The following LSM4 variants were observed in gnomAD, a reference collection of about 807,000 sequenced individuals.
LSM4 encodes the protein U6 snRNA-associated Sm-like protein LSm4.
A neutral mutation model predicts 22.3 loss-of-function variants in LSM4; 15 were observed. That is an observed-to-expected ratio of 0.67 (90% CI 0.45 to 1.03). LSM4 has a LOEUF of 1.03. LSM4 is among the 50% of genes least tolerant of loss of function. The pLI, the probability that LSM4 is intolerant of heterozygous loss-of-function variation, is 0.00. For missense variants in LSM4, 127 were observed against 198.0 expected (o/e 0.64, Z 2.15); for synonymous variants, 90 against 79.8 (o/e 1.13, Z -0.68).
At chr19:18,314,366 A>AG (rs1970330241) in intron 2 of LSM4, among the ~76,000 whole-genome samples, 1 of 151,764 alleles carries the variant, frequency 6.6e-6, no homozygotes, top group East Asian at 2.0e-4. Context: ...TAAAAAAAAA[A>AG]TACAAAAAAA....
chr19:18,312,726 T>A (rs765252555), intron 2 of LSM4, 24 bp from the exon 3 acceptor site: 5 of 1,579,582 alleles, frequency 3.2e-6, no homozygotes, highest in Non-Finnish European at 4.4e-6. Context: ...AGGCTAGAGG[T>A]TGGCTGTAGC....
chr19:18,309,033 C>T (rs1430088668), intron 4 of LSM4, among the ~76,000 whole-genome samples: 1 of 152,130 alleles, frequency 6.6e-6, no homozygotes, highest in East Asian at 1.9e-4. Context: ...CCTGAGATCC[C>T]CAAAGCTCCC....
At chr19:18,313,996 A>C (rs1301651041) in intron 2 of LSM4, among the ~76,000 whole-genome samples, 1 of 151,822 alleles carries the variant, frequency 6.6e-6, no homozygotes, top group Admixed American at 6.6e-5. Flanking sequence ...ATTTTTTAGT[A>C]GAGACGGGGA....
chr19:18,307,450 G>A lies in LSM4; in HGVS notation c.*14C>T. On this transcript the variant is annotated 3_prime_UTR_variant, in exon 5 of 5. Coordinates refer to ENST00000593829, the MANE Select transcript of LSM4 (RefSeq NM_012321.5). ...CTGGCAGGAGGGGGCGCAGCAGCCG[G>A]TCTGGGTGGGCGCTCACTGTTTGCC... The A allele has an allele frequency of 6.6e-7, 1 of 1,517,082 alleles. No individual in the cohort carries two copies. The highest frequency in any genetic ancestry group is 2.6e-5 in the East Asian group (1 of 38,844). 94.0% of individuals were successfully genotyped at this position (1,517,082 alleles called of 1,614,324 possible).
At position 18,307,477 on chromosome 19, in the gene LSM4, G is replaced by A. The variant is rs751617906; in HGVS notation, c.407C>T (p.Ala136Val). ...CTGGGTGGGCGCTCACTGTTTGCCC[G>A]CCTGTCTGCCAGGCTTCTTCTCTGG... ...GQPEKKPGRQ[A>V]GKQ Residue 136 changes from alanine (A) to valine (V), a missense_variant, in exon 5 of 5, where the codon GCG (alanine) becomes GTG (valine). By Grantham distance (64) the Ala-to-Val change is moderately conservative (BLOSUM62 0). Transcript: ENST00000593829. 18 of 1,547,442 alleles carry A rather than the reference G, an allele frequency of 1.2e-5. No homozygotes were observed. Among genetic ancestry groups the A allele is most frequent in the African/African-American group, 1.1e-4 (8 of 72,756 alleles).
chr19:18,316,068 GA>G lies in LSM4; in HGVS notation c.4-4del. The G allele has an allele frequency of 6.2e-7, 1 of 1,613,590 alleles. No individual in the cohort carries two copies. Among genetic ancestry groups the G allele is most frequent in the Non-Finnish European group, 8.5e-7 (1 of 1,179,698 alleles). ...GTCTTCAGCAGTGACAAGGGAAGCT[GA>G]AAGGCAAATAAAGCCACATGATTTG... On this transcript the variant is annotated splice_polypyrimidine_tract_variant and splice_region_variant and intron_variant, in intron 1 of 4. Coordinates refer to ENST00000593829, the MANE Select transcript of LSM4 (RefSeq NM_012321.5).
chr19:18,314,937 T>G (rs978801740), intron 2 of LSM4, among the ~76,000 whole-genome samples: 1 of 151,814 alleles, frequency 6.6e-6, no homozygotes, highest in African/African-American at 2.4e-5. Flanking sequence ...CAGGCTGGAG[T>G]GCAGTGGCGC....
At chr19:18,309,611 G>T (rs1970274906) in intron 4 of LSM4, 67 bp downstream of exon 4, 1 of 1,486,628 alleles carries the variant, frequency 6.7e-7, no homozygotes, top group African/African-American at 1.4e-5. Flanking sequence ...GCAACCCCAA[G>T]AAGGAGGGAT....
intron 3 of LSM4, among the ~76,000 whole-genome samples, chr19:18,310,808 G>A (rs750036593): frequency 9.2e-5 from 14 of 152,200 alleles, no homozygotes; most frequent in Non-Finnish European, 1.6e-4. Flanking sequence ...TCTAGGGCCC[G>A]AGATCCTGCC....
In LSM4 at chr19:18,307,298, G is replaced by T. The variant is rs530547130; in HGVS notation, c.*166C>A. On this transcript the variant is annotated 3_prime_UTR_variant, in exon 5 of 5. Coordinates refer to ENST00000593829, the MANE Select transcript of LSM4 (RefSeq NM_012321.5). ...TAACATTTCTAACCGGAGAATTGCC[G>T]GTTTTAGCAAGAAAAAGGGGCTTCA... The T allele has an allele frequency of 8.3e-6, 4 of 484,832 alleles. No homozygotes were observed. The highest frequency in any genetic ancestry group is 6.0e-5 in the African/African-American group (3 of 49,944). The allele number at this position is 484,832 out of a possible 1,614,324, so 30.0% of individuals were successfully genotyped here.
intron 2 of LSM4, among the ~76,000 whole-genome samples, chr19:18,313,085 G>T (rs929800658): frequency 1.3e-5 from 2 of 152,172 alleles, no homozygotes; most frequent in Non-Finnish European, 2.9e-5. Context: ...TGGGCATGGT[G>T]GTGCATGCCT....
intron 1 of LSM4, among the ~76,000 whole-genome samples, chr19:18,321,809 G>A (rs1290196961): frequency 6.6e-6 from 1 of 152,042 alleles, no homozygotes; most frequent in Non-Finnish European, 1.5e-5. Context: ...TCCCACCCAG[G>A]AACAGAAGAC....
intron 2 of LSM4, among the ~76,000 whole-genome samples, chr19:18,313,879 G>C (rs1270145091): frequency 6.6e-6 from 1 of 152,084 alleles, no homozygotes; most frequent in Non-Finnish European, 1.5e-5. Context: ...GAGTGCAATG[G>C]TGTGATCTCA....
chr19:18,309,251 G>C (rs1047106913), intron 4 of LSM4: 2 of 165,824 alleles, frequency 1.2e-5, no homozygotes, highest in Admixed American at 1.3e-4. Flanking sequence ...TGGGGACAGA[G>C]AGGTGAGGAA....
intron 1 of LSM4, among the ~76,000 whole-genome samples, chr19:18,322,276 A>G (rs1322968812): frequency 6.6e-6 from 1 of 152,212 alleles, no homozygotes; most frequent in Non-Finnish European, 1.5e-5. Context: ...CTGATGGGCC[A>G]GGAAACTCCC....
At chr19:18,322,746 G>C (rs1365943705) in intron 1 of LSM4, among the ~76,000 whole-genome samples, 1 of 149,794 alleles carries the variant, frequency 6.7e-6, no homozygotes, top group South Asian at 2.1e-4. Flanking sequence ...TTTTACTTCA[G>C]TTTCCCCACC....
intron 1 of LSM4, among the ~76,000 whole-genome samples, chr19:18,320,416 G>C (rs1256234820): frequency 6.6e-6 from 1 of 151,214 alleles, no homozygotes; most frequent in South Asian, 2.1e-4. Flanking sequence ...CTGAGGTCAG[G>C]TGGGAGGATC....
Position 18,323,062 on chromosome 19 carries a change from G to T in LSM4, c.-42C>A, listed in dbSNP as rs538857248. ...GGGCTCGCCGGCCACTTCCGCCGCC[G>T]CCGCTGCACACGCTCCCGGCGGTCG... On this transcript the variant is annotated 5_prime_UTR_variant, in exon 1 of 5. Transcript: ENST00000593829. 1.6e-4 allele frequency: 238 copies of T among 1,507,082 alleles called. 1 individual carries two copies. The African/African-American group carries it at 3.0e-3, about 19-fold the overall frequency. The allele number at this position is 1,507,082 out of a possible 1,614,324, so 93.4% of individuals were successfully genotyped here.
intron 1 of LSM4, among the ~76,000 whole-genome samples, chr19:18,317,201 TA>T (rs1480448299): frequency 6.6e-6 from 1 of 151,862 alleles, no homozygotes; most frequent in Non-Finnish European, 1.5e-5. Context: ...TTTGTACTTT[TA>T]GTAGAGATGG....
Sources: gnomAD v4.1 joint callset for allele counts (sites outside exome capture counted in the v4.1 genomes callset) on GRCh38, gnomAD v4.1.1 for gene constraint, MANE v1.5 for transcripts, NCBI Gene and HGNC (gene_info 2026-07-23, HGNC 2026-07-21) for gene names.